C4orf54: variants seen among roughly 807,000 people sequenced by gnomAD.
C4orf54 encodes chromosome 4 open reading frame 54, also known as uncharacterized protein C4orf54.
A neutral mutation model predicts 80.1 loss-of-function variants in C4orf54; 67 were observed. The ratio of observed to expected loss-of-function variants is 0.84; its 90% CI spans 0.69 to 1.03. C4orf54 has a LOEUF of 1.03. Among genes scored for constraint, C4orf54 ranks in the 50% least tolerant of loss-of-function variants. The pLI, the probability that C4orf54 is intolerant of heterozygous loss-of-function variation, is 0.00. For missense variants in C4orf54, 2,434 were observed against 2,253.5 expected, an observed-to-expected ratio of 1.08 and a Z score of -1.62; for synonymous variants, 1,000 against 917.0, an observed-to-expected ratio of 1.09 and a Z score of -1.64.
intron 2 of C4orf54, among the ~76,000 whole-genome samples, chr4:99,642,262 G>T (rs1444362433): frequency 6.6e-6 from 1 of 152,192 alleles, no homozygotes; most frequent in Non-Finnish European, 1.5e-5. Context: ...ACAAGAGGGA[G>T]AAAAGAAAAT....
At chr4:99,642,730 C>A (rs1726626951) in intron 2 of C4orf54, among the ~76,000 whole-genome samples, 1 of 152,222 alleles carries the variant, frequency 6.6e-6, no homozygotes, top group Admixed American at 6.5e-5. Context: ...GAAGGGATGA[C>A]TACCCTGTGT....
rs536698466 is a variant in C4orf54 at position 99,654,388 on chromosome 4, C to T, written c.261G>A (p.Trp87Ter). 1 of 939,494 alleles carries T rather than the reference C, an allele frequency of 1.1e-6. No homozygotes were observed. The highest frequency in any genetic ancestry group is 1.7e-6 in the Non-Finnish European group (1 of 601,934). 58.2% of individuals were successfully genotyped at this position (939,494 alleles called of 1,614,324 possible). A position where few individuals can be genotyped will look rare whatever the true frequency, so the allele number is the denominator to read the frequency against. Reference sequence around the variant, plus strand: ...CTGCTGCCACTGCTGCCACCACCTCCCAGTTCTTCAGCCCCTGTGGCGGGG... The same window carrying T: ...CTGCTGCCACTGCTGCCACCACCTCTCAGTTCTTCAGCCCCTGTGGCGGGG... ...AAAPPQGLKN[W>*]EVVAAVAAVP... The change falls in exon 2 of 3, where the codon TGG becomes TGA. Residue 87 changes from tryptophan to a stop codon, truncating the protein, a stop_gained. Coordinates refer to ENST00000511828, the MANE Select transcript of C4orf54 (RefSeq NM_001354435.2). LOFTEE classifies it high-confidence loss of function.
At chr4:99,646,233 TTG>T (rs1474784478) in intron 2 of C4orf54, among the ~76,000 whole-genome samples, 1 of 152,182 alleles carries the variant, frequency 6.6e-6, no homozygotes, top group Non-Finnish European at 1.5e-5. Context: ...TTTTGCAGTT[TTG>T]TGTGTACAAG....
chr4:99,653,130 C>A lies in C4orf54; in HGVS notation c.1519G>T (p.Ala507Ser). The change falls in exon 2 of 3, where the codon GCC becomes TCC. Residue 507 changes from alanine to serine, a missense_variant. Transcript: ENST00000511828. ...TPEAASGAAAAAASSCGSAAS... is the reference protein window; with the variant it reads ...TPEAASGAAASAASSCGSAAS... ...GCACTCCCACAGCTGCTTGCGGCGG[C>A]GGCTGCTGCCCCTGAAGCTGCCTCC... is the stretch of plus-strand genomic sequence containing the variant. The A allele has an allele frequency of 2.6e-6, 4 of 1,536,166 alleles. No individual in the cohort carries two copies. Among genetic ancestry groups the A allele is most frequent in the Non-Finnish European group, 3.5e-6 (4 of 1,146,912 alleles).
chr4:99,652,892 A>G lies in C4orf54; in HGVS notation c.1757T>C (p.Val586Ala). Residue 586 changes from valine (V) to alanine (A), a missense_variant, in exon 2 of 3, where the codon GTA becomes GCA. Coordinates refer to ENST00000511828, the MANE Select transcript of C4orf54 (RefSeq NM_001354435.2). ...GCACCTGGTTTGCAGGCGAGCAGGT[A>G]CAGCAATGAATTTCTTTGCATGGTC... ...AQDHAKKFIAVPARLQTRCGA... is the reference protein window; with the variant it reads ...AQDHAKKFIAAPARLQTRCGA... The G allele has an allele frequency of 6.5e-7, 1 of 1,536,182 alleles. No homozygotes were observed. The highest frequency in any genetic ancestry group is 2.4e-5 in the East Asian group (1 of 40,912).
In C4orf54 at chr4:99,653,405, G is replaced by A. The variant is rs1180761217; in HGVS notation, c.1244C>T (p.Thr415Ile). ...GGTCAGACTGGTGATGTCCCCTGGG[G>A]TCTCGTCGCTGCCACCAAAGGAAGC... ...DYASFGGSDE[T>I]PGDITSLTEE... The change falls in exon 2 of 3, where the codon ACC (threonine) becomes ATC (isoleucine). Residue 415 changes from threonine (T) to isoleucine (I), a missense_variant. Physicochemically the swap from Thr to Ile is moderately conservative, Grantham distance 89 (BLOSUM62 -1). Coordinates refer to ENST00000511828, the MANE Select transcript of C4orf54 (RefSeq NM_001354435.2). 1.3e-6 allele frequency: 2 copies of A among 1,536,230 alleles called. No homozygotes were observed. Among genetic ancestry groups the A allele is most frequent in the Admixed American group, 2.0e-5 (1 of 51,000 alleles).
chr4:99,647,448 C>T (rs1726718951), intron 2 of C4orf54, among the ~76,000 whole-genome samples: 1 of 151,866 alleles, frequency 6.6e-6, no homozygotes, highest in Non-Finnish European at 1.5e-5. Context: ...TTCTGAGTCT[C>T]CTACCCATGC....
chr4:99,649,987 A>G lies in C4orf54; in HGVS notation c.4662T>C (p.His1554=). 1 of 1,531,732 alleles carries G rather than the reference A, an allele frequency of 6.5e-7. No homozygotes were observed. The highest frequency in any genetic ancestry group is 1.7e-4 in the Middle Eastern group (1 of 5,974). The allele number at this position is 1,531,732 out of a possible 1,614,324, so 94.9% of individuals were successfully genotyped here. ...GCTGGTGGTAGATGGTGGTGGGGGG[A>G]TGCTCGGGGCTCTGTGGCCCTGGGG... The part of the protein sequence containing the change: ...AAPPGPQSPE[H]PPTTIYHQPP... Residue 1554 remains histidine, a synonymous_variant, in exon 2 of 3, where the codon CAT becomes CAC. Coordinates refer to ENST00000511828, the MANE Select transcript of C4orf54 (RefSeq NM_001354435.2).
In C4orf54 at chr4:99,649,610, G is replaced by T; in HGVS notation, c.5039C>A (p.Pro1680His). ...GAYGPTYMIY[P>H]GFLPTVLPTN... ...GGGCAGCACGGTAGGCAGAAACCCA[G>T]GGTAAATCATGTAGGTGGGTCCATA... The change falls in exon 2 of 3, where the codon CCT (proline) becomes CAT (histidine). Residue 1680 changes from proline to histidine, a missense_variant. Physicochemically the swap from Pro to His is moderately conservative, Grantham distance 77. Coordinates refer to ENST00000511828, the MANE Select transcript of C4orf54 (RefSeq NM_001354435.2). The T allele has an allele frequency of 6.5e-7, 1 of 1,536,186 alleles. No individual in the cohort carries two copies. The highest frequency in any genetic ancestry group is 1.2e-5 in the South Asian group (1 of 84,050).
rs931158853 is a variant in C4orf54 at position 99,640,348 on chromosome 4, A to G, written c.*885T>C. Reference sequence around the variant, plus strand: ...TACTGCCCCAAATGGGTCACTCTTTAGACTCTAAACAATCCATGAGAGACA... The same window carrying G: ...TACTGCCCCAAATGGGTCACTCTTTGGACTCTAAACAATCCATGAGAGACA... On this transcript the variant is annotated 3_prime_UTR_variant, in exon 3 of 3. Coordinates refer to ENST00000511828, the MANE Select transcript of C4orf54 (RefSeq NM_001354435.2). 1 of 152,198 alleles carries G rather than the reference A, an allele frequency of 6.6e-6. No individual in the cohort carries two copies. The highest frequency in any genetic ancestry group is 6.5e-5 in the Admixed American group (1 of 15,280). The allele number at this position is 152,198 out of a possible 1,614,324, so 9.4% of individuals were successfully genotyped here. A position where few individuals can be genotyped will look rare whatever the true frequency, so the allele number is the denominator to read the frequency against.
Position 99,654,685 on chromosome 4 carries a change from T to C in C4orf54, c.-31-6A>G. On this transcript the variant is annotated splice_polypyrimidine_tract_variant and splice_region_variant and intron_variant, in intron 1 of 2. Transcript: ENST00000511828. ...TGTGAAGCCTTGTCCCTTTCCTGGA[T>C]GGGGCGAGAGAAGGTCACGTCATTC... 3 of 667,018 alleles carry C rather than the reference T, an allele frequency of 4.5e-6. No individual in the cohort carries two copies. Among genetic ancestry groups the C allele is most frequent in the South Asian group, 1.6e-5 (1 of 62,998 alleles). 41.3% of individuals were successfully genotyped at this position (667,018 alleles called of 1,614,324 possible).
At position 99,640,159 on chromosome 4, in the gene C4orf54, C is replaced by T. The variant is rs1415857745; in HGVS notation, c.*1074G>A. ...GAATTGGGTTACAACTGAGACAGTACTAAATGTCAATAAAAGATTCTGTGA... is the reference window on the plus strand; with the variant it reads ...GAATTGGGTTACAACTGAGACAGTATTAAATGTCAATAAAAGATTCTGTGA... On this transcript the variant is annotated 3_prime_UTR_variant, in exon 3 of 3. Coordinates refer to ENST00000511828, the MANE Select transcript of C4orf54 (RefSeq NM_001354435.2). 6.6e-6 allele frequency: 1 copy of T among 152,148 alleles called. No individual in the cohort carries two copies. The highest frequency in any genetic ancestry group is 1.5e-5 in the Non-Finnish European group (1 of 68,002). The allele number at this position is 152,148 out of a possible 1,614,324, so 9.4% of individuals were successfully genotyped here. A position where few individuals can be genotyped will look rare whatever the true frequency, so the allele number is the denominator to read the frequency against.
chr4:99,643,668 T>G (rs572155491), intron 2 of C4orf54, among the ~76,000 whole-genome samples: 2 of 151,364 alleles, frequency 1.3e-5, no homozygotes, highest in Admixed American at 6.6e-5. Flanking sequence ...TTTTAGTATA[T>G]GCTTAACACT....
At position 99,653,680 on chromosome 4, in the gene C4orf54, C is replaced by A. The variant is rs1205399819; in HGVS notation, c.969G>T (p.Glu323Asp). The A allele has an allele frequency of 6.6e-7, 1 of 1,523,424 alleles. No individual in the cohort carries two copies. The highest frequency in any genetic ancestry group is 8.8e-7 in the Non-Finnish European group (1 of 1,139,776). The allele number at this position is 1,523,424 out of a possible 1,614,324, so 94.4% of individuals were successfully genotyped here. The change falls in exon 2 of 3, where the codon GAG becomes GAT. Residue 323 changes from glutamate (E) to aspartate (D), a missense_variant. Transcript: ENST00000511828. The stretch of plus-strand genomic sequence containing the variant: ...CTCCTCCCCCTCCTCCTGATATTTT[C>A]TCTCCTTCTCCTCCCACGGCCTGGC... ...EGCQAVGGEG[E>D]KISGGGGGGK...
chr4:99,645,410 TA>T (rs70958324), intron 2 of C4orf54, among the ~76,000 whole-genome samples: 221 of 55,880 alleles, frequency 4.0e-3, no homozygotes, highest in South Asian at 5.7e-3. Flanking sequence ...AGGCTTACAG[TA>T]AAAAAAAAAA....
rs907244196 is a variant in C4orf54 at position 99,653,314 on chromosome 4, G to C, written c.1335C>G (p.Pro445=). 1 of 1,532,772 alleles carries C rather than the reference G, an allele frequency of 6.5e-7. No homozygotes were observed. Among genetic ancestry groups the C allele is most frequent in the African/African-American group, 1.4e-5 (1 of 72,996 alleles). The allele number at this position is 1,532,772 out of a possible 1,614,324, so 94.9% of individuals were successfully genotyped here. ...TTPSTNTTRT[P]SPTSSDLARP... is the part of the protein sequence containing the mutation. ...GGGCCAGGTCGCTGCTTGTAGGGCTGGGCGTCCGGGTGGTGTTGGTGCTGG... is the reference window on the plus strand; with the variant it reads ...GGGCCAGGTCGCTGCTTGTAGGGCTCGGCGTCCGGGTGGTGTTGGTGCTGG... The change falls in exon 2 of 3, where the codon CCC becomes CCG. Residue 445 remains proline, a synonymous_variant. Transcript: ENST00000511828.
chr4:99,649,121 T>A lies in C4orf54; in HGVS notation c.*36+110A>T, dbSNP rs1578271258. The A allele has an allele frequency of 1.2e-5, 13 of 1,068,438 alleles. No individual in the cohort carries two copies. In the East Asian group the frequency reaches 3.4e-4, roughly 28 times the overall value. 66.2% of individuals were successfully genotyped at this position (1,068,438 alleles called of 1,614,324 possible). ...AGTTTTGTTCTATTCTCTCAAAACA[T>A]CCATTTCTAGAGACAGCCTCCTTTA... On this transcript the variant is annotated intron_variant, in intron 2 of 2. Coordinates refer to ENST00000511828, the MANE Select transcript of C4orf54 (RefSeq NM_001354435.2).
In C4orf54 at chr4:99,654,479, G is replaced by A. The variant is rs577232879; in HGVS notation, c.170C>T (p.Pro57Leu). Residue 57 changes from proline to leucine, a missense_variant, in exon 2 of 3, where the codon CCC becomes CTC. By Grantham distance (98) the Pro-to-Leu change is moderately conservative. Transcript: ENST00000511828. Reference sequence around the variant, plus strand: ...GGCGGTGGAGGTGGTCTGTGGCTGGGGGGCTGCTGCTCCGGCCGAGACTGT... The same window carrying A: ...GGCGGTGGAGGTGGTCTGTGGCTGGAGGGCTGCTGCTCCGGCCGAGACTGT... ...LATVSAGAAAPQPQTTSTASS... is the reference protein window; with the variant it reads ...LATVSAGAAALQPQTTSTASS... 6.7e-5 allele frequency: 47 copies of A among 706,472 alleles called. 1 individual carries two copies. Among genetic ancestry groups the A allele is most frequent in the South Asian group, 5.8e-4 (39 of 67,646 alleles). The allele number at this position is 706,472 out of a possible 1,614,324, so 43.8% of individuals were successfully genotyped here.
At chr4:99,657,273 C>T (rs756061838) in intron 1 of C4orf54, among the ~76,000 whole-genome samples, 4 of 152,212 alleles carry the variant, frequency 2.6e-5, no homozygotes, top group Non-Finnish European at 4.4e-5. Context: ...TTCATATGGC[C>T]TTGTCTGTCA....
Sources: allele counts gnomAD v4.1 joint callset (sites outside exome capture counted in the v4.1 genomes callset), GRCh38; gene constraint gnomAD v4.1.1; transcripts MANE v1.5; gene names NCBI Gene and HGNC (gene_info 2026-07-23, HGNC 2026-07-21).